The following CHRDL2 variants were observed in gnomAD, a reference collection of about 807,000 sequenced individuals.
The protein encoded by CHRDL2 is chordin-like protein 2.
CHRDL2 carries 41 observed loss-of-function variants against 54.3 expected under a neutral mutation model. That is an observed-to-expected ratio of 0.76 (90% CI 0.59 to 0.98). CHRDL2 has a LOEUF of 0.98. CHRDL2 is among the 50% of genes least tolerant of loss of function. CHRDL2 has a pLI of 0.00. For missense variants in CHRDL2, 518 were observed against 562.4 expected, an observed-to-expected ratio of 0.92 and a Z score of 0.80; for synonymous variants, 220 against 224.3, an observed-to-expected ratio of 0.98 and a Z score of 0.17.
intron 8 of CHRDL2, 38 bp from the exon 9 acceptor site, chr11:74,703,005 G>T (rs199789152): frequency 1.3e-6 from 2 of 1,555,622 alleles, no homozygotes; most frequent in African/African-American, 2.7e-5. Context: ...TTCAATAAAC[G>T]TTGGCTGTAC....
chr11:74,730,756 T>C (rs981031263), intron 1 of CHRDL2, 51 bp downstream of exon 1: 1 of 1,522,590 alleles, frequency 6.6e-7, no homozygotes, highest in South Asian at 1.2e-5. Context: ...GTCCCTCACA[T>C]TCCAGGGGCC....
intron 4 of CHRDL2, among the ~76,000 whole-genome samples, chr11:74,709,119 C>T (rs904917874): frequency 1.3e-5 from 2 of 152,266 alleles, no homozygotes; most frequent in Middle Eastern, 6.8e-3. Flanking sequence ...TCCGGTCCCT[C>T]GGGTGAGGCC....
chr11:74,726,570 C>T (rs1269423476), intron 1 of CHRDL2, among the ~76,000 whole-genome samples: 1 of 152,196 alleles, frequency 6.6e-6, no homozygotes, highest in Non-Finnish European at 1.5e-5. Flanking sequence ...CGCTGTCATG[C>T]CAGTCCTTTT....
rs1362869538 is a variant in CHRDL2, at chr11:74,702,839, C to T, written c.1075G>A (p.Glu359Lys). The change falls in exon 9 of 11, where the codon GAG becomes AAG. Residue 359 changes from glutamate to lysine, a missense_variant. Glu to Lys is a moderately conservative substitution (Grantham distance 56). Coordinates refer to ENST00000376332, the MANE Select transcript of CHRDL2 (RefSeq NM_001278473.3). ...TAGATCTCCACCAAGTCCGAGGCCT[C>T]GTGTTCCAGGGCAAAGCGACGCAGG... ...DNLRRFALEHEASDLVEIYLW... is the reference protein window; with the variant it reads ...DNLRRFALEHKASDLVEIYLW... 6.2e-7 allele frequency: 1 copy of T among 1,613,952 alleles called. No individual in the cohort carries two copies. The highest frequency in any genetic ancestry group is 8.5e-7 in the Non-Finnish European group (1 of 1,180,018).
chr11:74,717,104 A>G (rs1310212776), intron 2 of CHRDL2, among the ~76,000 whole-genome samples: 15 of 151,542 alleles, frequency 9.9e-5, no homozygotes, highest in Non-Finnish European at 1.6e-4. Context: ...AAACAAACAA[A>G]CAAACAAAAA....
rs145134258 is a variant in CHRDL2 at position 74,713,618 on chromosome 11, T to C, written c.196-139A>G. 2.6e-4 allele frequency: 172 copies of C among 662,956 alleles called. No individual in the cohort carries two copies. The African/African-American group carries it at 2.9e-3, about 11-fold the overall frequency. The allele number at this position is 662,956 out of a possible 1,614,324, so 41.1% of individuals were successfully genotyped here. A position where few individuals can be genotyped will look rare whatever the true frequency, so the allele number is the denominator to read the frequency against. ...TGTGATTGGACTGAAAACAATTAAG[T>C]GTGCCCGGTTCCTCCCCATTCCTGC... On this transcript the variant is annotated intron_variant, in intron 2 of 10. Transcript: ENST00000376332.
chr11:74,724,072 A>G (rs1157627505), intron 1 of CHRDL2, among the ~76,000 whole-genome samples: 1 of 152,262 alleles, frequency 6.6e-6, no homozygotes, highest in Admixed American at 6.5e-5. Flanking sequence ...AAGAACACAG[A>G]TAGATACAAT....
intron 5 of CHRDL2, 24 bp downstream of exon 5, chr11:74,708,278 T>G (rs1771792488): frequency 9.3e-6 from 14 of 1,509,184 alleles, no homozygotes; most frequent in Non-Finnish European, 1.2e-5. Context: ...GGGTGAGTGC[T>G]GCCAGATGGA....
chr11:74,718,623 AC>A (rs2034423600), intron 2 of CHRDL2, 96 bp downstream of exon 2: 4 of 768,156 alleles, frequency 5.2e-6, no homozygotes, highest in Non-Finnish European at 8.7e-6. Flanking sequence ...CGCTGACAGC[AC>A]AGTTCTAGAA....
chr11:74,727,596 G>A (rs2034591621), intron 1 of CHRDL2, among the ~76,000 whole-genome samples: 2 of 151,878 alleles, frequency 1.3e-5, no homozygotes, highest in African/African-American at 4.8e-5. Context: ...CTAGAGACAG[G>A]GTCTTGCTAT....
chr11:74,724,440 T>C (rs1331207830), intron 1 of CHRDL2, among the ~76,000 whole-genome samples: 2 of 152,226 alleles, frequency 1.3e-5, no homozygotes, highest in African/African-American at 4.8e-5. Flanking sequence ...CCAGACAGAT[T>C]CCAAATGTCA....
At chr11:74,706,068 G>C (rs2034000306) in intron 6 of CHRDL2, among the ~76,000 whole-genome samples, 1 of 152,074 alleles carries the variant, frequency 6.6e-6, no homozygotes, top group African/African-American at 2.4e-5. Flanking sequence ...AAGATACAGG[G>C]GGGTACAGAG....
intron 9 of CHRDL2, chr11:74,698,676 TACACACACACACACACACAC>T (rs56835377): frequency 0.066 from 9,027 of 136,308 alleles, 332 homozygotes; most frequent in Non-Finnish European, 0.083. Flanking sequence ...GATGAACAAA[TACACACACACACACACACAC>T]ACACACACAC....
rs1177713767 is a variant in CHRDL2, at chr11:74,699,000, G to A, written c.1121-1703C>T. The A allele has an allele frequency of 2.0e-5, 3 of 152,294 alleles. No individual in the cohort carries two copies. In the East Asian group the frequency reaches 5.8e-4, roughly 29 times the overall value. 9.4% of individuals were successfully genotyped at this position (152,294 alleles called of 1,614,324 possible). ...ATCAGCGTGGGATTACCGCCAAGGGGAACAGAAAACCCTAATCCTGGGACT... is the reference window on the plus strand; with the variant it reads ...ATCAGCGTGGGATTACCGCCAAGGGAAACAGAAAACCCTAATCCTGGGACT... On this transcript the variant is annotated intron_variant, in intron 9 of 10. Transcript: ENST00000376332.
chr11:74,717,628 G>A (rs535947809), intron 2 of CHRDL2, among the ~76,000 whole-genome samples: 1 of 152,102 alleles, frequency 6.6e-6, no homozygotes, highest in Admixed American at 6.6e-5. Context: ...AAGTCAGGAG[G>A]GGGGCTAGCC....
chr11:74,716,083 C>T (rs1399895747), intron 2 of CHRDL2, among the ~76,000 whole-genome samples: 2 of 151,998 alleles, frequency 1.3e-5, no homozygotes, highest in Non-Finnish European at 2.9e-5. Flanking sequence ...AAGGAGGAAA[C>T]ATTTGTGTTA....
At position 74,718,848 on chromosome 11, in the gene CHRDL2, G is replaced by GTT. The variant is rs1309765496; in HGVS notation, c.83-17_83-16insAA. On this transcript the variant is annotated splice_polypyrimidine_tract_variant and intron_variant, in intron 1 of 10. Transcript: ENST00000376332. ...ATGTCTGGGCCTGGCAAACCGACCA[G>GTT]TGCCATGTTAGTCCCAGGAGGCTCC... is the stretch of plus-strand genomic sequence containing the variant. 4.5e-6 allele frequency: 7 copies of GTT among 1,538,710 alleles called. No homozygotes were observed. The highest frequency in any genetic ancestry group is 6.3e-6 in the Non-Finnish European group (7 of 1,118,698).
At position 74,703,492 on chromosome 11, in the gene CHRDL2, CA is replaced by C; in HGVS notation, c.758del (p.Val253GlyfsTer40). ...VLKEKHKKAC[V>X]HGGKTYSHGE... Reference sequence around the variant, plus strand: ...CGTGGGAGTACGTCTTCCCGCCATGCACACAGGCTGAATAAGGAGGGTGAGA... The same window carrying C: ...CGTGGGAGTACGTCTTCCCGCCATGCCACAGGCTGAATAAGGAGGGTGAGA... On this transcript the variant is annotated frameshift_variant, in exon 8 of 11. Coordinates refer to ENST00000376332, the MANE Select transcript of CHRDL2 (RefSeq NM_001278473.3). LOFTEE classifies it high-confidence loss of function. The C allele has an allele frequency of 1.3e-6, 2 of 1,596,322 alleles. No individual in the cohort carries two copies.
chr11:74,711,077 A>G (rs1294356930), intron 3 of CHRDL2, 86 bp from the exon 4 acceptor site: 4 of 1,442,190 alleles, frequency 2.8e-6, no homozygotes, highest in African/African-American at 1.4e-5. Context: ...TTTTCTGATG[A>G]TTTTGCATTT....
Sources: gnomAD v4.1 joint callset for allele counts (sites outside exome capture counted in the v4.1 genomes callset) on GRCh38, gnomAD v4.1.1 for gene constraint, MANE v1.5 for transcripts, NCBI Gene and HGNC (gene_info 2026-07-23, HGNC 2026-07-21) for gene names.